Variants in SNAPC3 observed in about 807,000 individuals in gnomAD.
SNAPC3 encodes the protein small nuclear RNA activating complex polypeptide 3.
In SNAPC3, 56 loss-of-function variants were observed where a neutral mutation model predicts 47.7. The ratio of observed to expected loss-of-function variants is 1.18; its 90% confidence interval spans 0.95 to 1.47. SNAPC3 has a LOEUF of 1.47. SNAPC3 is among the 40% of genes most tolerant of loss of function. SNAPC3 has a pLI of 0.00. For synonymous variants in SNAPC3, 235 were observed against 189.9 expected (o/e 1.24, Z -1.95); for missense variants, 665 against 511.3 (o/e 1.30, Z -2.90).
chr9:15,463,419 AAC>A (rs2035372908), downstream of SNAPC3: 1 of 148,870 alleles, frequency 6.7e-6, no homozygotes, highest in Non-Finnish European at 1.5e-5. Context: ...CAGTAATCAA[AAC>A]ACATACGTAC....
At chr9:15,453,387 A>G (rs2034541928) in intron 7 of SNAPC3, 182 bp downstream of exon 7, 5 of 523,760 alleles carry the variant, frequency 9.5e-6, no homozygotes, top group Non-Finnish European at 1.7e-5. Flanking sequence ...ATCCATTTGC[A>G]TCCTCTATTG....
rs2035111378 is a variant in SNAPC3 at position 15,460,332 on chromosome 9, A to T, written c.*466A>T. On this transcript the variant is annotated 3_prime_UTR_variant, in exon 9 of 9. Coordinates refer to ENST00000380821, the MANE Select transcript of SNAPC3 (RefSeq NM_001039697.2). ...TTCCAAGGTAAAGATCCTTCAAATAACTGTAATGGAAACTAGGGAGAATGA... is the reference window on the plus strand; with the variant it reads ...TTCCAAGGTAAAGATCCTTCAAATATCTGTAATGGAAACTAGGGAGAATGA... 1 of 152,366 alleles carries T rather than the reference A, an allele frequency of 6.6e-6. No homozygotes were observed. Among genetic ancestry groups the T allele is most frequent in the South Asian group, 2.1e-4 (1 of 4,836 alleles). The allele number at this position is 152,366 out of a possible 1,614,324, so 9.4% of individuals were successfully genotyped here. A position where few individuals can be genotyped will look rare whatever the true frequency, so the allele number is the denominator to read the frequency against.
chr9:15,462,427 A>G (rs182291051), downstream of SNAPC3: 19 of 152,292 alleles, frequency 1.2e-4, no homozygotes, highest in African/African-American at 1.7e-4. Flanking sequence ...CTAACTTTGT[A>G]TATTTCTGGA....
At chr9:15,451,792 A>G (rs148839403) in intron 6 of SNAPC3, among the ~76,000 whole-genome samples, 7 of 151,794 alleles carry the variant, frequency 4.6e-5, no homozygotes, top group East Asian at 3.9e-4. Flanking sequence ...ACCTTTCACT[A>G]TTTTTTCTGC....
intron 3 of SNAPC3, among the ~76,000 whole-genome samples, chr9:15,437,777 TATC>T (rs1489733734): frequency 1.3e-5 from 2 of 152,196 alleles, no homozygotes; most frequent in East Asian, 3.8e-4. Context: ...TACCTTTTCT[TATC>T]ATAACTGAAT....
intron 8 of SNAPC3, 147 bp from the exon 9 acceptor site, chr9:15,459,568 CTATG>C (rs2035045182): frequency 1.7e-6 from 1 of 604,156 alleles, no homozygotes; most frequent in Non-Finnish European, 2.9e-6. Context: ...GTATTTGTAT[CTATG>C]TATACAAAAT....
chr9:15,435,687 C>T (rs2032712196), intron 3 of SNAPC3, among the ~76,000 whole-genome samples: 1 of 150,880 alleles, frequency 6.6e-6, no homozygotes, highest in East Asian at 2.0e-4. Flanking sequence ...CCAGATTGTG[C>T]CATTGCATTC....
In SNAPC3 at chr9:15,447,979, TA is replaced by T. The variant is rs1203346866; in HGVS notation, c.732+738del. Among the ~76,000 whole-genome samples the T allele has an allele frequency of 2.6e-5, 4 of 152,268 alleles. No homozygotes were observed. In the South Asian group the frequency reaches 8.3e-4, roughly 32 times the overall value. ...TTTTCAGAAAGGATCATTTACCTAATAAAGCAGGAGGGCCTTGATCCCTTCC... is the reference window on the plus strand; with the variant it reads ...TTTTCAGAAAGGATCATTTACCTAATAAGCAGGAGGGCCTTGATCCCTTCC... On this transcript the variant is annotated intron_variant, in intron 5 of 8. Coordinates refer to ENST00000380821, the MANE Select transcript of SNAPC3 (RefSeq NM_001039697.2).
intron 3 of SNAPC3, among the ~76,000 whole-genome samples, chr9:15,439,411 G>C (rs920033068): frequency 6.6e-6 from 1 of 152,258 alleles, no homozygotes; most frequent in Non-Finnish European, 1.5e-5. Context: ...TTTTAGAGGT[G>C]GGTCTTGCTC....
intron 3 of SNAPC3, among the ~76,000 whole-genome samples, chr9:15,441,523 C>G (rs950734558): frequency 1.3e-5 from 2 of 149,630 alleles, no homozygotes; most frequent in African/African-American, 2.5e-5. Context: ...TCTGGTTTTC[C>G]TAGGCAGAGG....
rs1251011946 is a variant in SNAPC3, at chr9:15,447,307, T to C, written c.732+63T>C. 4 of 1,446,652 alleles carry C rather than the reference T, an allele frequency of 2.8e-6. No homozygotes were observed. The East Asian group carries it at 9.1e-5, about 33-fold the overall frequency. 89.6% of individuals were successfully genotyped at this position (1,446,652 alleles called of 1,614,324 possible). On this transcript the variant is annotated intron_variant, in intron 5 of 8. Coordinates refer to ENST00000380821, the MANE Select transcript of SNAPC3 (RefSeq NM_001039697.2). Reference sequence around the variant, plus strand: ...CAAGCTAAGAAAATAGCGATTACTCTAGCTGGTTCATAAATGTCCCAGTAA... The same window carrying C: ...CAAGCTAAGAAAATAGCGATTACTCCAGCTGGTTCATAAATGTCCCAGTAA...
intron 2 of SNAPC3, among the ~76,000 whole-genome samples, chr9:15,432,487 G>T (rs1301027511): frequency 6.6e-6 from 1 of 151,996 alleles, no homozygotes; most frequent in African/African-American, 2.4e-5. Flanking sequence ...TATAGGATGG[G>T]CCTTGAGCAT....
At chr9:15,464,787 A>C (rs2035498432), downstream of SNAPC3, 1 of 206,344 alleles carries the variant, frequency 4.8e-6, no homozygotes, top group Non-Finnish European at 9.9e-6. Context: ...TCATTCCTAT[A>C]TATACCCAGT....
At position 15,442,579 on chromosome 9, in the gene SNAPC3, C is replaced by A. The variant is rs369884324; in HGVS notation, c.478-2023C>A. 2.7e-5 allele frequency among the ~76,000 whole-genome samples: 4 copies of A among 150,768 alleles called. 1 individual carries two copies. Among genetic ancestry groups the A allele is most frequent in the African/African-American group, 9.8e-5 (4 of 40,946 alleles). The stretch of plus-strand genomic sequence containing the variant: ...GCTCCTCACATCCCAGACGGGGCGG[C>A]GGGGCAGAGGCGTTCCCCACATCTC... On this transcript the variant is annotated intron_variant, in intron 3 of 8. Coordinates refer to ENST00000380821, the MANE Select transcript of SNAPC3 (RefSeq NM_001039697.2).
intron 5 of SNAPC3, among the ~76,000 whole-genome samples, chr9:15,449,315 A>G (rs1283707000): frequency 6.6e-6 from 1 of 151,890 alleles, no homozygotes; most frequent in Admixed American, 6.6e-5. Flanking sequence ...GAAACCCTGG[A>G]GAATGTTTGT....
intron 4 of SNAPC3, 85 bp downstream of exon 4, chr9:15,444,791 CT>C: frequency 1.4e-6 from 1 of 723,854 alleles, no homozygotes; most frequent in Non-Finnish European, 2.3e-6. Flanking sequence ...TATTCCTATG[CT>C]TACATTAAAA....
intron 4 of SNAPC3, among the ~76,000 whole-genome samples, chr9:15,445,951 T>A (rs2131883811): frequency 6.6e-6 from 1 of 152,070 alleles, no homozygotes; most frequent in East Asian, 1.9e-4. Context: ...CACCCCCTTC[T>A]CCCCAGAAAA....
chr9:15,448,815 TTTTC>T lies in SNAPC3; in HGVS notation c.732+1579_732+1582del, dbSNP rs140285938. Among the ~76,000 whole-genome samples the T allele has an allele frequency of 4.3e-3, 662 of 152,228 alleles. 3 individuals carry two copies. The highest frequency in any genetic ancestry group is 0.015 in the African/African-American group (637 of 41,534). On this transcript the variant is annotated intron_variant, in intron 5 of 8. Coordinates refer to ENST00000380821, the MANE Select transcript of SNAPC3 (RefSeq NM_001039697.2). ...GGAGCAGGAAATACGAGATTTATCT[TTTTC>T]TTTCTTTTTTTTTTGGATGGGGCTC...
chr9:15,426,671 A>G (rs970299731), intron 2 of SNAPC3, among the ~76,000 whole-genome samples: 63 of 152,354 alleles, frequency 4.1e-4, no homozygotes, highest in African/African-American at 1.4e-3. Flanking sequence ...TCATTGATTT[A>G]TAGTAATTTT....
Sources: gnomAD v4.1 joint callset for allele counts (sites outside exome capture counted in the v4.1 genomes callset) on GRCh38, gnomAD v4.1.1 for gene constraint, MANE v1.5 for transcripts, NCBI Gene and HGNC (gene_info 2026-07-23, HGNC 2026-07-21) for gene names.